The following KCNH7 variants were observed in gnomAD, a reference collection of about 807,000 sequenced individuals.
The protein encoded by KCNH7 is voltage-gated inwardly rectifying potassium channel KCNH7.
In KCNH7, 49 loss-of-function variants were observed where a neutral mutation model predicts 120.8. That is an observed-to-expected ratio of 0.41 (90% CI 0.32 to 0.51). The LOEUF is 0.51. KCNH7 is among the 20% of genes least tolerant of loss of function. KCNH7 has a pLI of 0.38. For synonymous variants in KCNH7, 547 were observed against 516.1 expected (o/e 1.06, Z -0.81); for missense variants, 1,097 against 1,446.6 (o/e 0.76, Z 3.92).
intron 2 of KCNH7, among the ~76,000 whole-genome samples, chr2:162,605,999 A>G (rs946079549): frequency 2.6e-5 from 4 of 152,068 alleles, no homozygotes; most frequent in African/African-American, 7.2e-5. Context: ...TTATGTTAGT[A>G]TATTAGGGGG....
rs867884332 is a variant in KCNH7 at position 162,724,651 on chromosome 2, G to T, written c.307+111886C>A. Among the ~76,000 whole-genome samples the T allele has an allele frequency of 9.5e-4, 134 of 141,350 alleles. 1 individual carries two copies. The Middle Eastern group carries it at 0.017, about 18-fold the overall frequency. The allele number at this position is 141,350 out of a possible 152,430, so 92.7% of individuals were successfully genotyped here. On this transcript the variant is annotated intron_variant, in intron 2 of 15. Transcript: ENST00000332142. Reference sequence around the variant, plus strand: ...CGCGCCACTGCACTCCAGCCTGGGCGACAGAGCGAGACTCCGTCTCAAAAA... The same window carrying T: ...CGCGCCACTGCACTCCAGCCTGGGCTACAGAGCGAGACTCCGTCTCAAAAA...
intron 2 of KCNH7, among the ~76,000 whole-genome samples, chr2:162,647,002 C>A (rs889906068): frequency 7.2e-5 from 11 of 152,102 alleles, no homozygotes; most frequent in Non-Finnish European, 1.2e-4. Context: ...CATTACCCAG[C>A]AATAGAAAAC....
intron 2 of KCNH7, among the ~76,000 whole-genome samples, chr2:162,723,079 T>G (rs1318769180): frequency 6.6e-6 from 1 of 151,956 alleles, no homozygotes; most frequent in Non-Finnish European, 1.5e-5. Context: ...TTATCTGCCA[T>G]AAAGATGCTA....
intron 2 of KCNH7, among the ~76,000 whole-genome samples, chr2:162,599,447 T>C (rs1260670984): frequency 2.6e-5 from 4 of 151,978 alleles, no homozygotes; most frequent in Non-Finnish European, 5.9e-5. Flanking sequence ...TTAGAATTTA[T>C]AGCATTCAAG....
chr2:162,714,931 C>T (rs1455456556), intron 2 of KCNH7, among the ~76,000 whole-genome samples: 2 of 152,102 alleles, frequency 1.3e-5, no homozygotes, highest in East Asian at 3.9e-4. Context: ...GACCTCTGTC[C>T]TAAAGCTATA....
chr2:162,696,604 C>T (rs1411967657), intron 2 of KCNH7, among the ~76,000 whole-genome samples: 1 of 151,908 alleles, frequency 6.6e-6, no homozygotes, highest in Non-Finnish European at 1.5e-5. Context: ...ACATCTCTTG[C>T]ACTTGAACTG....
At chr2:162,463,003 A>T (rs143932771) in intron 6 of KCNH7, among the ~76,000 whole-genome samples, 3 of 152,044 alleles carry the variant, frequency 2.0e-5, no homozygotes, top group Non-Finnish European at 4.4e-5. Flanking sequence ...AGCAAATGTG[A>T]TATCTCCATC....
chr2:162,601,078 T>C (rs547716021), intron 2 of KCNH7, among the ~76,000 whole-genome samples: 58 of 152,256 alleles, frequency 3.8e-4, no homozygotes, highest in African/African-American at 1.0e-3. Context: ...GGGTAACTCA[T>C]ATTGTTCATA....
chr2:162,391,266 C>G (rs1686737834), intron 12 of KCNH7, among the ~76,000 whole-genome samples: 1 of 152,060 alleles, frequency 6.6e-6, no homozygotes, highest in South Asian at 2.1e-4. Context: ...GAATGATCCC[C>G]TGAAAGTTCT....
At chr2:162,534,989 A>G (rs1181962095) in intron 3 of KCNH7, among the ~76,000 whole-genome samples, 1 of 151,792 alleles carries the variant, frequency 6.6e-6, no homozygotes, top group African/African-American at 2.4e-5. Context: ...TTAAAAAAGG[A>G]AAAGAATAAT....
intron 6 of KCNH7, among the ~76,000 whole-genome samples, chr2:162,497,732 A>C (rs1390357516): frequency 6.6e-6 from 1 of 152,178 alleles, no homozygotes; most frequent in Non-Finnish European, 1.5e-5. Flanking sequence ...CTTCTCTATG[A>C]AATGCATATG....
intron 2 of KCNH7, among the ~76,000 whole-genome samples, chr2:162,603,061 CA>C (rs1314406051): frequency 6.6e-6 from 1 of 151,534 alleles, no homozygotes; most frequent in Non-Finnish European, 1.5e-5. Flanking sequence ...GAGATACTTT[CA>C]GAACCAAACA....
chr2:162,529,603 T>A (rs560076351), intron 3 of KCNH7, among the ~76,000 whole-genome samples: 1 of 152,100 alleles, frequency 6.6e-6, no homozygotes, highest in Non-Finnish European at 1.5e-5. Flanking sequence ...GAAAACCTCT[T>A]ATACTCGATG....
intron 2 of KCNH7, among the ~76,000 whole-genome samples, chr2:162,646,559 A>T (rs1684365339): frequency 6.6e-6 from 1 of 152,228 alleles, no homozygotes; most frequent in South Asian, 2.1e-4. Context: ...CAATGAGCTT[A>T]TTCTATGACA....
chr2:162,788,346 G>A (rs1052542784), intron 2 of KCNH7, among the ~76,000 whole-genome samples: 5 of 151,900 alleles, frequency 3.3e-5, no homozygotes, highest in Non-Finnish European at 7.4e-5. Context: ...AGCTACAAGA[G>A]AACACCACTA....
At chr2:162,389,112 T>C (rs1436692675) in intron 12 of KCNH7, among the ~76,000 whole-genome samples, 1 of 152,014 alleles carries the variant, frequency 6.6e-6, no homozygotes, top group East Asian at 1.9e-4. Context: ...TGTTTGAATG[T>C]TTCACTCTGG....
At chr2:162,493,050 ATT>A (rs1690375323) in intron 6 of KCNH7, among the ~76,000 whole-genome samples, 1 of 151,954 alleles carries the variant, frequency 6.6e-6, no homozygotes, top group South Asian at 2.1e-4. Context: ...GGAAAAAAAT[ATT>A]TGTTTTCCTC....
At chr2:162,788,053 A>C (rs1453702425) in intron 2 of KCNH7, among the ~76,000 whole-genome samples, 1 of 149,392 alleles carries the variant, frequency 6.7e-6, no homozygotes, top group Non-Finnish European at 1.5e-5. Context: ...ATAAGATACC[A>C]AGGGGAGACC....
At chr2:162,557,057 C>T (rs1414358732) in intron 2 of KCNH7, among the ~76,000 whole-genome samples, 1 of 152,218 alleles carries the variant, frequency 6.6e-6, no homozygotes, top group Non-Finnish European at 1.5e-5. Context: ...GATTATCTCA[C>T]ATGGCTCCAT....
Sources: gnomAD v4.1 joint callset for allele counts (sites outside exome capture counted in the v4.1 genomes callset) on GRCh38, gnomAD v4.1.1 for gene constraint, MANE v1.5 for transcripts, NCBI Gene and HGNC (gene_info 2026-07-23, HGNC 2026-07-21) for gene names.